The following NALCN variants were observed in gnomAD, a reference collection of about 807,000 sequenced individuals.
NALCN encodes sodium leak channel NALCN.
A neutral mutation model predicts 225.3 loss-of-function variants in NALCN; 111 were observed. That is an observed-to-expected ratio of 0.49 (90% CI 0.42 to 0.58). The LOEUF (loss-of-function observed/expected upper bound fraction) is 0.58. Among genes scored for constraint, NALCN ranks in the 20% least tolerant of loss-of-function variants. The pLI, the probability that NALCN is intolerant of heterozygous loss-of-function variation, is 0.00. For synonymous variants in NALCN, 764 were observed against 769.0 expected, an observed-to-expected ratio of 0.99 and a Z score of 0.11; for missense variants, 1,378 against 2,202.4, an observed-to-expected ratio of 0.63 and a Z score of 7.49.
At chr13:101,197,674 C>T (rs72652943) in intron 13 of NALCN, among the ~76,000 whole-genome samples, 1 of 152,234 alleles carries the variant, frequency 6.6e-6, no homozygotes, top group Non-Finnish European at 1.5e-5. Context: ...TGAGAATGGT[C>T]CAGTTTGCTA....
In NALCN at chr13:101,416,360, G is replaced by T. The variant is rs2047948291; in HGVS notation, c.-87C>A. 2.0e-5 allele frequency: 3 copies of T among 153,242 alleles called. No homozygotes were observed. The highest frequency in any genetic ancestry group is 1.9e-4 in the South Asian group (1 of 5,212). The allele number at this position is 153,242 out of a possible 1,614,324, so 9.5% of individuals were successfully genotyped here. ...TGTCATGGTGCCCGCGGGCGGCGGCGGCGGCGACAGTGGGCGACCGGCAGG... is the reference window on the plus strand; with the variant it reads ...TGTCATGGTGCCCGCGGGCGGCGGCTGCGGCGACAGTGGGCGACCGGCAGG... On this transcript the variant is annotated 5_prime_UTR_variant, in exon 1 of 44. Transcript: ENST00000251127.
chr13:101,116,783 A>G (rs2139670224), intron 18 of NALCN: 1 of 369,982 alleles, frequency 2.7e-6, no homozygotes, highest in African/African-American at 2.1e-5. Flanking sequence ...ATTTAAAAGT[A>G]TTATCCAAGG....
At chr13:101,302,444 A>G (rs2044006334) in intron 7 of NALCN, among the ~76,000 whole-genome samples, 1 of 152,344 alleles carries the variant, frequency 6.6e-6, no homozygotes, top group East Asian at 1.9e-4. Context: ...ATTTTAAAAA[A>G]TCCGATTAGG....
chr13:101,190,916 C>G (rs1176258975), intron 14 of NALCN, among the ~76,000 whole-genome samples: 1 of 152,174 alleles, frequency 6.6e-6, no homozygotes, highest in Non-Finnish European at 1.5e-5. Flanking sequence ...AGGACCAAAT[C>G]TAGATCAGAC....
chr13:101,142,323 G>A (rs2037126914), intron 17 of NALCN, among the ~76,000 whole-genome samples: 1 of 151,658 alleles, frequency 6.6e-6, no homozygotes, highest in Non-Finnish European at 1.5e-5. Flanking sequence ...TGTATTTTTA[G>A]TAGAGATGGG....
chr13:101,314,614 C>T (rs1196025424), intron 7 of NALCN, among the ~76,000 whole-genome samples: 2 of 152,150 alleles, frequency 1.3e-5, no homozygotes, highest in African/African-American at 2.4e-5. Context: ...CAATATCACC[C>T]ACATAAACCC....
intron 18 of NALCN, among the ~76,000 whole-genome samples, chr13:101,120,693 G>A (rs2035933916): frequency 6.6e-6 from 1 of 152,162 alleles, no homozygotes; most frequent in South Asian, 2.1e-4. Flanking sequence ...AGTCAAGAAG[G>A]AGAATGAAAA....
At chr13:101,095,539 C>G in intron 28 of NALCN, 35 bp downstream of exon 28, 2 of 1,526,948 alleles carry the variant, frequency 1.3e-6, no homozygotes, top group Non-Finnish European at 1.8e-6. Context: ...GACAAACACA[C>G]CATTCTTCAG....
At chr13:101,063,288 GA>G (rs201533135) in intron 40 of NALCN, among the ~76,000 whole-genome samples, 3 of 151,924 alleles carry the variant, frequency 2.0e-5, no homozygotes, top group Admixed American at 6.6e-5. Flanking sequence ...ACCACAGAGG[GA>G]AAAAAAATGA....
At chr13:101,415,208 C>T (rs9518392) in intron 1 of NALCN, among the ~76,000 whole-genome samples, 57,358 of 102,130 alleles carry the variant, frequency 0.56, 15,877 homozygotes, top group Non-Finnish European at 0.63. Flanking sequence ...AAATCACACA[C>T]ATATATATAT....
At chr13:101,224,874 G>T (rs1482449218) in intron 13 of NALCN, among the ~76,000 whole-genome samples, 1 of 152,114 alleles carries the variant, frequency 6.6e-6, no homozygotes, top group African/African-American at 2.4e-5. Context: ...AAATTTCCCT[G>T]TAGGGTCCTT....
intron 13 of NALCN, among the ~76,000 whole-genome samples, chr13:101,204,422 TAA>T (rs2040238195): frequency 6.6e-6 from 1 of 152,018 alleles, no homozygotes; most frequent in Non-Finnish European, 1.5e-5. Context: ...CTTAAATGAA[TAA>T]AGAGAGAGGA....
chr13:101,412,495 C>T (rs1159077762), intron 1 of NALCN, among the ~76,000 whole-genome samples: 1 of 152,202 alleles, frequency 6.6e-6, no homozygotes, highest in African/African-American at 2.4e-5. Flanking sequence ...CAGTCCCTGT[C>T]TTCAGAACAT....
intron 39 of NALCN, among the ~76,000 whole-genome samples, chr13:101,066,567 A>C (rs932424138): frequency 6.7e-6 from 1 of 148,796 alleles, no homozygotes; most frequent in East Asian, 2.0e-4. Flanking sequence ...CTCGGTGTGC[A>C]GGGCAGTGGG....
chr13:101,335,750 T>C (rs2045357198), intron 7 of NALCN, among the ~76,000 whole-genome samples: 1 of 151,950 alleles, frequency 6.6e-6, no homozygotes, highest in African/African-American at 2.4e-5. Context: ...TTACATATTT[T>C]ACAAATTAGT....
intron 7 of NALCN, among the ~76,000 whole-genome samples, chr13:101,309,899 G>T (rs1348660563): frequency 6.6e-6 from 1 of 152,134 alleles, no homozygotes; most frequent in Non-Finnish European, 1.5e-5. Flanking sequence ...AACATGTAAT[G>T]AAACCGAGAT....
chr13:101,137,940 T>C (rs892942587), intron 17 of NALCN, among the ~76,000 whole-genome samples: 1 of 152,222 alleles, frequency 6.6e-6, no homozygotes, highest in South Asian at 2.1e-4. Flanking sequence ...TCCACTTTAC[T>C]GATGAGGGTT....
intron 7 of NALCN, among the ~76,000 whole-genome samples, chr13:101,330,946 T>A (rs1175260721): frequency 4.6e-5 from 7 of 152,242 alleles, no homozygotes; most frequent in Non-Finnish European, 7.3e-5. Context: ...TCCCCAGCCA[T>A]GTGGAACTGT....
intron 18 of NALCN, 73 bp from the exon 19 acceptor site, chr13:101,111,299 T>C (rs2035423727): frequency 1.6e-6 from 2 of 1,255,866 alleles, no homozygotes; most frequent in Non-Finnish European, 2.2e-6. Context: ...TAAGTGCTCA[T>C]TACTTTTATT....
Sources: allele counts gnomAD v4.1 joint callset (sites outside exome capture counted in the v4.1 genomes callset), GRCh38; gene constraint gnomAD v4.1.1; transcripts MANE v1.5; gene names NCBI Gene and HGNC (gene_info 2026-07-23, HGNC 2026-07-21).